PLPP1: variants seen among roughly 807,000 people sequenced by gnomAD.
PLPP1 encodes the protein phospholipid phosphatase 1.
Under a neutral mutation model 31.2 loss-of-function variants are expected in PLPP1, and 24 were observed. That is an observed-to-expected ratio of 0.77 (90% CI 0.56 to 1.08). The LOEUF is 1.08. PLPP1 is among the 50% of genes least tolerant of loss of function. The probability of loss-of-function intolerance (pLI) is 0.00; values close to 1 mark genes in which losing one functional copy is unlikely to be tolerated. For missense variants in PLPP1, 319 were observed against 342.7 expected (o/e 0.93, Z 0.55); for synonymous variants, 146 against 126.3 (o/e 1.16, Z -1.05).
chr5:55,462,815 T>C lies in PLPP1; in HGVS notation c.491+5054A>G, dbSNP rs570325859. ...GGTGAAACCCCATCTCTACTAAAAA[T>C]ACAAAAAATTAGCTGGGTATGGTGG... is the stretch of plus-strand genomic sequence containing the variant. On this transcript the variant is annotated intron_variant, in intron 3 of 5. Transcript: ENST00000307259. 1.8e-4 allele frequency among the ~76,000 whole-genome samples: 27 copies of C among 151,624 alleles called. No individual in the cohort carries two copies. In the South Asian group the frequency reaches 5.4e-3, roughly 30 times the overall value.
At chr5:55,441,760 T>C in intron 4 of PLPP1, 91 bp downstream of exon 4, 1 of 1,348,340 alleles carries the variant, frequency 7.4e-7, no homozygotes, top group South Asian at 1.2e-5. Context: ...TGCTACTGGC[T>C]AATTTATTAG....
intron 1 of PLPP1, among the ~76,000 whole-genome samples, chr5:55,508,185 C>G (rs975728045): frequency 6.6e-6 from 1 of 152,132 alleles, no homozygotes. Flanking sequence ...AGGCCATGCC[C>G]AGTTCGCATG....
intron 4 of PLPP1, among the ~76,000 whole-genome samples, chr5:55,440,273 C>T (rs1344666640): frequency 6.6e-6 from 1 of 152,176 alleles, no homozygotes; most frequent in African/African-American, 2.4e-5. Flanking sequence ...GCATACAAAG[C>T]ACGCCCACAC....
intron 4 of PLPP1, among the ~76,000 whole-genome samples, chr5:55,440,621 A>T (rs1351717568): frequency 6.6e-6 from 1 of 152,242 alleles, no homozygotes; most frequent in Non-Finnish European, 1.5e-5. Context: ...AATTTAATTA[A>T]TGTAAGATGA....
At chr5:55,478,544 T>C (rs1473092268) in intron 1 of PLPP1, among the ~76,000 whole-genome samples, 3 of 152,042 alleles carry the variant, frequency 2.0e-5, no homozygotes, top group Non-Finnish European at 4.4e-5. Context: ...GATTTGGGGA[T>C]AGAAAGGGTC....
intron 3 of PLPP1, among the ~76,000 whole-genome samples, chr5:55,453,336 G>T (rs376639296): frequency 2.0e-5 from 3 of 152,276 alleles, no homozygotes; most frequent in African/African-American, 7.2e-5. Context: ...CTTACTGCCT[G>T]ATGTATTTTC....
At chr5:55,509,300 C>G (rs915649217) in intron 1 of PLPP1, among the ~76,000 whole-genome samples, 4 of 152,162 alleles carry the variant, frequency 2.6e-5, no homozygotes, top group African/African-American at 4.8e-5. Flanking sequence ...TGAGAGGTAT[C>G]AGTGATAGCA....
intron 1 of PLPP1, among the ~76,000 whole-genome samples, chr5:55,509,898 G>A (rs1056902340): frequency 2.0e-5 from 3 of 152,120 alleles, no homozygotes; most frequent in Admixed American, 6.5e-5. Context: ...ACAGCTGTTC[G>A]CTTTCTTTCT....
At chr5:55,480,813 T>C (rs1262191500) in intron 1 of PLPP1, among the ~76,000 whole-genome samples, 1 of 152,196 alleles carries the variant, frequency 6.6e-6, no homozygotes, top group Non-Finnish European at 1.5e-5. Flanking sequence ...ACAAGTGGGA[T>C]TGCTAGGTCA....
At chr5:55,513,478 T>C (rs1753486085) in intron 1 of PLPP1, among the ~76,000 whole-genome samples, 2 of 151,914 alleles carry the variant, frequency 1.3e-5, no homozygotes, top group African/African-American at 4.8e-5. Context: ...CACCATGTTG[T>C]CCAGGCTGGT....
chr5:55,509,242 G>A (rs1035563823), intron 1 of PLPP1, among the ~76,000 whole-genome samples: 1 of 152,228 alleles, frequency 6.6e-6, no homozygotes, highest in Admixed American at 6.5e-5. Flanking sequence ...TCAGGACAAT[G>A]AATTTGTGCA....
At chr5:55,429,594 G>A (rs1436336113) in intron 4 of PLPP1, among the ~76,000 whole-genome samples, 1 of 152,064 alleles carries the variant, frequency 6.6e-6, no homozygotes, top group Non-Finnish European at 1.5e-5. Context: ...GCTCCAGAGA[G>A]GGAGCTCATC....
At chr5:55,456,274 G>A (rs1314056606) in intron 3 of PLPP1, among the ~76,000 whole-genome samples, 1 of 152,180 alleles carries the variant, frequency 6.6e-6, no homozygotes, top group Non-Finnish European at 1.5e-5. Context: ...AGTAATAGCA[G>A]ACAGAGCGCA....
At chr5:55,502,825 GA>G (rs1012645747) in intron 1 of PLPP1, among the ~76,000 whole-genome samples, 3 of 150,980 alleles carry the variant, frequency 2.0e-5, no homozygotes, top group Admixed American at 1.3e-4. Flanking sequence ...CCAGTGCTCA[GA>G]AAAAAAAACT....
intron 4 of PLPP1, among the ~76,000 whole-genome samples, chr5:55,433,562 C>T (rs1326008383): frequency 6.9e-6 from 1 of 145,044 alleles, no homozygotes; most frequent in Non-Finnish European, 1.5e-5. Context: ...TGCAGTGACA[C>T]GATCTTGGCT....
At chr5:55,520,394 C>T (rs1753639047) in intron 1 of PLPP1, among the ~76,000 whole-genome samples, 1 of 152,234 alleles carries the variant, frequency 6.6e-6, no homozygotes, top group South Asian at 2.1e-4. Flanking sequence ...CATGAAATCA[C>T]ATTTAAATAG....
At chr5:55,464,237 T>C (rs79147957) in intron 3 of PLPP1, among the ~76,000 whole-genome samples, 2 of 2,780 alleles carry the variant, frequency 7.2e-4, no homozygotes, top group Admixed American at 6.2e-3. Flanking sequence ...CAGAACATCT[T>C]TTTTTTTTTT....
chr5:55,426,782 T>C (rs571036359), intron 4 of PLPP1, among the ~76,000 whole-genome samples: 1 of 152,290 alleles, frequency 6.6e-6, no homozygotes, highest in Admixed American at 6.5e-5. Flanking sequence ...GCTCTGGGCC[T>C]ATCTAGGGAC....
intron 3 of PLPP1, among the ~76,000 whole-genome samples, chr5:55,457,855 C>G (rs956858748): frequency 9.3e-5 from 14 of 150,216 alleles, no homozygotes; most frequent in African/African-American, 3.2e-4. Flanking sequence ...CGCCACTGCA[C>G]TCCAGCCTGG....
Sources: allele counts gnomAD v4.1 joint callset (sites outside exome capture counted in the v4.1 genomes callset), GRCh38; gene constraint gnomAD v4.1.1; transcripts MANE v1.5; gene names NCBI Gene and HGNC (gene_info 2026-07-23, HGNC 2026-07-21).